Variants in HACD1 observed in about 807,000 individuals in gnomAD.
The protein encoded by HACD1 is very-long-chain (3R)-3-hydroxyacyl-CoA dehydratase 1.
In HACD1, 41 loss-of-function variants were observed where a neutral mutation model predicts 32.0. The ratio of observed to expected loss-of-function variants is 1.28; its 90% CI spans 1.00 to 1.66. The LOEUF (loss-of-function observed/expected upper bound fraction) is 1.66. Ranked by LOEUF, HACD1 falls within the 40% of genes most tolerant of loss-of-function variation. The probability of loss-of-function intolerance (pLI) is 0.00; values close to 1 mark genes in which losing one functional copy is unlikely to be tolerated. For synonymous variants in HACD1, 142 were observed against 139.0 expected (o/e 1.02, Z -0.15); for missense variants, 396 against 380.1 (o/e 1.04, Z -0.35).
chr10:17,607,312 T>C (rs1410674476), intron 1 of HACD1, among the ~76,000 whole-genome samples: 1 of 152,134 alleles, frequency 6.6e-6, no homozygotes, highest in African/African-American at 2.4e-5. Context: ...TCACTGTGGC[T>C]ACAACTGATG....
chr10:17,603,405 G>A, intron 4 of HACD1, 155 bp downstream of exon 4: 1 of 626,158 alleles, frequency 1.6e-6, no homozygotes, highest in South Asian at 2.2e-5. Flanking sequence ...TTCTGCTAAG[G>A]CACTAAGTCA....
At chr10:17,598,959 A>C (rs1016720275) in intron 5 of HACD1, 21 of 182,054 alleles carry the variant, frequency 1.2e-4, no homozygotes, top group Middle Eastern at 2.5e-3. Context: ...CAAAAAAAAA[A>C]CATATTTTTG....
intron 1 of HACD1, among the ~76,000 whole-genome samples, chr10:17,614,486 A>T (rs1433657285): frequency 7.7e-6 from 1 of 130,274 alleles, no homozygotes; most frequent in African/African-American, 2.9e-5. Flanking sequence ...CAGGCGATCC[A>T]CCCGCCTCAG....
chr10:17,596,130 C>CA (rs1423020067), intron 5 of HACD1, among the ~76,000 whole-genome samples: 6 of 152,068 alleles, frequency 3.9e-5, no homozygotes, highest in African/African-American at 1.4e-4. Context: ...AAAGAAAAGT[C>CA]AAAGTTGTCA....
chr10:17,602,622 A>G (rs1400152008), intron 4 of HACD1, among the ~76,000 whole-genome samples: 1 of 152,224 alleles, frequency 6.6e-6, no homozygotes, highest in Non-Finnish European at 1.5e-5. Flanking sequence ...AAATGGCTAA[A>G]TCAAGCTAAC....
chr10:17,609,115 GA>G (rs1231189423), intron 1 of HACD1, among the ~76,000 whole-genome samples: 2 of 148,470 alleles, frequency 1.3e-5, no homozygotes, highest in East Asian at 3.9e-4. Context: ...CCTATAATAG[GA>G]AATCAAACAG....
chr10:17,589,137 CCA>C lies in HACD1; in HGVS notation c.*1225_*1226del, dbSNP rs1157518882. On this transcript the variant is annotated 3_prime_UTR_variant, in exon 7 of 7. Coordinates refer to ENST00000361271, the MANE Select transcript of HACD1 (RefSeq NM_014241.4). ...AAGGAGTCTGTCCAAAGATCATACC[CCA>C]AAATGTTTAGTTACCTAAGTACCAC... 6 of 151,976 alleles carry C rather than the reference CCA, an allele frequency of 3.9e-5. No homozygotes were observed. Among genetic ancestry groups the C allele is most frequent in the Non-Finnish European group, 7.4e-5 (5 of 68,002 alleles). 9.4% of individuals were successfully genotyped at this position (151,976 alleles called of 1,614,324 possible).
intron 1 of HACD1, among the ~76,000 whole-genome samples, chr10:17,610,746 T>C (rs1588993817): frequency 6.6e-6 from 1 of 152,214 alleles, no homozygotes; most frequent in Non-Finnish European, 1.5e-5. Flanking sequence ...ATTATCTCTT[T>C]ATTCCTTTAT....
In HACD1 at chr10:17,604,689, A is replaced by G. The variant is rs531624418; in HGVS notation, c.258-642T>C. 3.1e-4 allele frequency among the ~76,000 whole-genome samples: 47 copies of G among 152,172 alleles called. No individual in the cohort carries two copies. The South Asian group carries it at 9.1e-3, about 29-fold the overall frequency. ...TTTTTTTGCATTATGTGTTGCTGTC[A>G]TCTTTAACAAAGAACAATTATTGGC... is the stretch of plus-strand genomic sequence containing the variant. On this transcript the variant is annotated intron_variant, in intron 1 of 6. Coordinates refer to ENST00000361271, the MANE Select transcript of HACD1 (RefSeq NM_014241.4).
In HACD1 at chr10:17,599,426, A is replaced by C; in HGVS notation, c.484-15T>G. 1 of 1,610,924 alleles carries C rather than the reference A, an allele frequency of 6.2e-7. No individual in the cohort carries two copies. The highest frequency in any genetic ancestry group is 8.5e-7 in the Non-Finnish European group (1 of 1,179,218). On this transcript the variant is annotated splice_polypyrimidine_tract_variant and intron_variant, in intron 4 of 6. Transcript: ENST00000361271. The stretch of plus-strand genomic sequence containing the variant: ...TCATTCTGGATCTGCAGAATTACAG[A>C]GAAACCCAGTGTCATTCAACCTAGA...
chr10:17,595,735 C>T (rs1031614935), intron 5 of HACD1, among the ~76,000 whole-genome samples: 1 of 151,968 alleles, frequency 6.6e-6, no homozygotes, highest in African/African-American at 2.4e-5. Flanking sequence ...TTTTCTCTGA[C>T]TCAGTCACTA....
At chr10:17,600,289 T>C (rs536731312) in intron 4 of HACD1, among the ~76,000 whole-genome samples, 41 of 152,316 alleles carry the variant, frequency 2.7e-4, no homozygotes, top group African/African-American at 9.6e-4. Context: ...CCCTCTCCTC[T>C]CACCCTGAGC....
intron 1 of HACD1, among the ~76,000 whole-genome samples, chr10:17,606,160 A>T (rs1172908339): frequency 6.6e-6 from 1 of 152,064 alleles, no homozygotes; most frequent in Admixed American, 6.6e-5. Context: ...TGCAACAAAG[A>T]CCCTGTCTCA....
intron 1 of HACD1, among the ~76,000 whole-genome samples, chr10:17,612,695 C>T (rs1450337109): frequency 2.6e-5 from 4 of 151,598 alleles, no homozygotes; most frequent in African/African-American, 9.7e-5. Flanking sequence ...GCGAGGCGGG[C>T]GGATCACGAT....
At chr10:17,605,011 T>C (rs1834125770) in intron 1 of HACD1, among the ~76,000 whole-genome samples, 2 of 152,024 alleles carry the variant, frequency 1.3e-5, no homozygotes, top group South Asian at 2.1e-4. Context: ...CCAGCCTGTA[T>C]GATTTAATTT....
At chr10:17,616,956 T>G in intron 1 of HACD1, 127 bp downstream of exon 1, 1 of 1,049,616 alleles carries the variant, frequency 9.5e-7, no homozygotes, top group Non-Finnish European at 1.2e-6. Flanking sequence ...CGGCGACAGC[T>G]CCCTTCCCCC....
intron 1 of HACD1, among the ~76,000 whole-genome samples, chr10:17,608,147 C>A (rs975722255): frequency 2.0e-5 from 3 of 152,026 alleles, no homozygotes; most frequent in Non-Finnish European, 4.4e-5. Flanking sequence ...GTAGCTGGGA[C>A]CACAGGGGTG....
At chr10:17,591,782 T>A (rs1053383258) in intron 6 of HACD1, among the ~76,000 whole-genome samples, 2 of 152,116 alleles carry the variant, frequency 1.3e-5, no homozygotes, top group Non-Finnish European at 2.9e-5. Context: ...GGATAAAAAG[T>A]CTTTCTATTT....
Position 17,590,821 on chromosome 10 carries a change from A to G in HACD1, c.785-375T>C, listed in dbSNP as rs1347526468. Among the ~76,000 whole-genome samples, 4 of 151,992 alleles carry G rather than the reference A, an allele frequency of 2.6e-5. No homozygotes were observed. The East Asian group carries it at 7.8e-4, about 30-fold the overall frequency. Reference sequence around the variant, plus strand: ...CGAGTAGCTGAGATTACAGGCATGCATCACCACCACACCTGACTAATTTTT... The same window carrying G: ...CGAGTAGCTGAGATTACAGGCATGCGTCACCACCACACCTGACTAATTTTT... On this transcript the variant is annotated intron_variant, in intron 6 of 6. Transcript: ENST00000361271.
Sources: gnomAD v4.1 joint callset for allele counts (sites outside exome capture counted in the v4.1 genomes callset) on GRCh38, gnomAD v4.1.1 for gene constraint, MANE v1.5 for transcripts, NCBI Gene and HGNC (gene_info 2026-07-23, HGNC 2026-07-21) for gene names.